Variants in CHST11 observed in about 807,000 individuals in gnomAD.
CHST11 encodes carbohydrate sulfotransferase 11.
Under a neutral mutation model 30.4 loss-of-function variants are expected in CHST11, and 9 were observed. The observed-to-expected ratio is 0.30, with a 90% CI of 0.18 to 0.52. The LOEUF (loss-of-function observed/expected upper bound fraction) is 0.52. Among genes scored for constraint, CHST11 ranks in the 20% least tolerant of loss-of-function variants. The pLI is 0.97. For synonymous variants in CHST11, 152 were observed against 187.8 expected (o/e 0.81, Z 1.56); for missense variants, 348 against 460.6 (o/e 0.76, Z 2.24).
chr12:104,544,125 T>TAAAA (rs60776273), intron 1 of CHST11, among the ~76,000 whole-genome samples: 5 of 97,394 alleles, frequency 5.1e-5, no homozygotes, highest in African/African-American at 2.2e-4. Context: ...CCCTGTCTGT[T>TAAAA]AAAAAAAAAA....
At chr12:104,548,059 T>G (rs920320203) in intron 1 of CHST11, among the ~76,000 whole-genome samples, 1 of 152,218 alleles carries the variant, frequency 6.6e-6, no homozygotes, top group South Asian at 2.1e-4. Context: ...CACTGATGGC[T>G]GGGCCTTCTG....
intron 2 of CHST11, among the ~76,000 whole-genome samples, chr12:104,755,660 C>A (rs893945416): frequency 6.6e-6 from 1 of 152,154 alleles, no homozygotes; most frequent in African/African-American, 2.4e-5. Flanking sequence ...GTGATGCGTG[C>A]CTGTAATCCC....
chr12:104,731,347 TACACCAAA>T (rs2040256211), intron 2 of CHST11, among the ~76,000 whole-genome samples: 2 of 152,154 alleles, frequency 1.3e-5, no homozygotes, highest in Non-Finnish European at 2.9e-5. Context: ...CCGAAAGAAG[TACACCAAA>T]GAGATGTCAT....
intron 2 of CHST11, among the ~76,000 whole-genome samples, chr12:104,724,795 T>G (rs1000329160): frequency 6.6e-6 from 1 of 152,202 alleles, no homozygotes; most frequent in African/African-American, 2.4e-5. Flanking sequence ...GATGGACTGT[T>G]AAATACAAGA....
intron 1 of CHST11, among the ~76,000 whole-genome samples, chr12:104,481,740 C>A (rs1201661708): frequency 6.6e-6 from 1 of 152,024 alleles, no homozygotes; most frequent in East Asian, 1.9e-4. Flanking sequence ...AAAAGAATAT[C>A]TTTTTGATGT....
At chr12:104,717,290 T>G (rs1261470727) in intron 2 of CHST11, among the ~76,000 whole-genome samples, 1 of 152,134 alleles carries the variant, frequency 6.6e-6, no homozygotes, top group Non-Finnish European at 1.5e-5. Context: ...GTCAGGAAGA[T>G]GGGAAAGTGA....
chr12:104,734,568 A>C (rs1297119861), intron 2 of CHST11, among the ~76,000 whole-genome samples: 3 of 152,136 alleles, frequency 2.0e-5, no homozygotes, highest in African/African-American at 7.2e-5. Flanking sequence ...TCACAGGTGG[A>C]AAACGGGGTG....
intron 1 of CHST11, among the ~76,000 whole-genome samples, chr12:104,551,256 A>G (rs188995526): frequency 3.5e-4 from 53 of 152,158 alleles, no homozygotes; most frequent in Middle Eastern, 6.8e-3. Context: ...GCCTCAATCT[A>G]TTTTCACATT....
At chr12:104,570,299 C>T (rs2038610927) in intron 1 of CHST11, among the ~76,000 whole-genome samples, 1 of 152,140 alleles carries the variant, frequency 6.6e-6, no homozygotes, top group Admixed American at 6.5e-5. Flanking sequence ...AAAATCGACT[C>T]ATTTTTAACA....
chr12:104,573,391 C>A (rs375439197), intron 1 of CHST11, among the ~76,000 whole-genome samples: 2 of 150,112 alleles, frequency 1.3e-5, no homozygotes, highest in African/African-American at 2.5e-5. Flanking sequence ...AAAAAGAGCC[C>A]GCATTGCCAA....
At chr12:104,654,850 C>A (rs527271800) in intron 2 of CHST11, among the ~76,000 whole-genome samples, 4 of 152,272 alleles carry the variant, frequency 2.6e-5, no homozygotes, top group African/African-American at 7.2e-5. Context: ...CCAACATCCC[C>A]CTAGCTATGA....
At chr12:104,693,137 G>A (rs905088082) in intron 2 of CHST11, among the ~76,000 whole-genome samples, 7 of 151,898 alleles carry the variant, frequency 4.6e-5, no homozygotes, top group African/African-American at 1.7e-4. Flanking sequence ...CTTCTTATAA[G>A]GACATCAATC....
chr12:104,577,038 G>A (rs1206852606), intron 1 of CHST11, among the ~76,000 whole-genome samples: 1 of 151,892 alleles, frequency 6.6e-6, no homozygotes, highest in Non-Finnish European at 1.5e-5. Flanking sequence ...GACTCCAGAG[G>A]GGTGGAAATG....
intron 2 of CHST11, among the ~76,000 whole-genome samples, chr12:104,725,068 C>G (rs1266097826): frequency 6.6e-6 from 1 of 152,110 alleles, no homozygotes. Context: ...GGTATGGACT[C>G]TTCTAAGCCC....
intron 2 of CHST11, among the ~76,000 whole-genome samples, chr12:104,700,154 G>T (rs543863556): frequency 6.6e-6 from 1 of 152,134 alleles, no homozygotes; most frequent in East Asian, 1.9e-4. Flanking sequence ...TTTTAAATCA[G>T]ATTAGAAGTA....
intron 2 of CHST11, among the ~76,000 whole-genome samples, chr12:104,680,122 T>C (rs1358378364): frequency 6.6e-6 from 1 of 152,230 alleles, no homozygotes; most frequent in Non-Finnish European, 1.5e-5. Context: ...GATACAGCAG[T>C]GCATAAGGCT....
At chr12:104,746,537 C>G (rs1237438351) in intron 2 of CHST11, among the ~76,000 whole-genome samples, 1 of 152,216 alleles carries the variant, frequency 6.6e-6, no homozygotes, top group African/African-American at 2.4e-5. Flanking sequence ...AGCCTCCTAC[C>G]TCACCTTCAG....
intron 2 of CHST11, among the ~76,000 whole-genome samples, chr12:104,727,038 G>A (rs2040222188): frequency 6.6e-6 from 1 of 152,196 alleles, no homozygotes; most frequent in Non-Finnish European, 1.5e-5. Context: ...GTTCACCAGT[G>A]TAATTGTGGA....
chr12:104,673,552 G>A (rs1040457004), intron 2 of CHST11, among the ~76,000 whole-genome samples: 3 of 152,158 alleles, frequency 2.0e-5, no homozygotes, highest in South Asian at 2.1e-4. Context: ...TGTAAGTACA[G>A]TGCTTCGAGT....
Sources: allele counts gnomAD v4.1 joint callset (sites outside exome capture counted in the v4.1 genomes callset), GRCh38; gene constraint gnomAD v4.1.1; transcripts MANE v1.5; gene names NCBI Gene and HGNC (gene_info 2026-07-23, HGNC 2026-07-21).